CCDC171: variants seen among roughly 807,000 people sequenced by gnomAD.
CCDC171 encodes coiled-coil domain-containing protein 171.
A neutral mutation model predicts 168.2 loss-of-function variants in CCDC171; 177 were observed. The ratio of observed to expected loss-of-function variants is 1.05; its 90% confidence interval spans 0.93 to 1.19. The LOEUF (loss-of-function observed/expected upper bound fraction) is 1.19, where lower values mean the gene tolerates loss of function less well. Ranked by LOEUF, CCDC171 falls within the 50% of genes most tolerant of loss-of-function variation. The pLI is 0.00. For missense variants in CCDC171, 1,991 were observed against 1,539.0 expected (o/e 1.29, Z -4.91); for synonymous variants, 687 against 540.8 (o/e 1.27, Z -3.75).
intron 3 of CCDC171, among the ~76,000 whole-genome samples, chr9:16,002,562 A>T (rs545660273): frequency 6.6e-6 from 1 of 152,358 alleles, no homozygotes; most frequent in South Asian, 2.1e-4. Flanking sequence ...AAAAGTCTAT[A>T]AAGTAGAAAA....
chr9:15,690,126 G>A (rs1176801202), intron 10 of CCDC171, among the ~76,000 whole-genome samples: 1 of 152,152 alleles, frequency 6.6e-6, no homozygotes, highest in African/African-American at 2.4e-5. Context: ...GTGGGAGAAT[G>A]GGGAGTGAGA....
At chr9:15,780,714 A>G (rs1156574436) in intron 20 of CCDC171, among the ~76,000 whole-genome samples, 1 of 152,202 alleles carries the variant, frequency 6.6e-6, no homozygotes, top group Admixed American at 6.5e-5. Context: ...CCTGACTTAT[A>G]TAAATATATG....
intron 18 of CCDC171, among the ~76,000 whole-genome samples, chr9:15,748,552 A>T (rs2055469040): frequency 6.6e-6 from 1 of 152,194 alleles, no homozygotes; most frequent in Non-Finnish European, 1.5e-5. Context: ...TGAAGGAAAA[A>T]ATGTTAAGGA....
At chr9:15,951,622 A>G (rs1423972125) in intron 25 of CCDC171, among the ~76,000 whole-genome samples, 6 of 152,090 alleles carry the variant, frequency 3.9e-5, no homozygotes, top group African/African-American at 1.4e-4. Flanking sequence ...CCTAATGATT[A>G]GTGATGTTGA....
intron 21 of CCDC171, among the ~76,000 whole-genome samples, chr9:15,825,005 AAGG>A (rs2059953614): frequency 6.6e-6 from 1 of 152,064 alleles, no homozygotes; most frequent in African/African-American, 2.4e-5. Context: ...GAAGAGATGG[AAGG>A]AGTTTTTACT....
At chr9:15,849,403 C>A (rs1234268474) in intron 23 of CCDC171, among the ~76,000 whole-genome samples, 2 of 150,176 alleles carry the variant, frequency 1.3e-5, no homozygotes, top group South Asian at 4.2e-4. Flanking sequence ...TTGAAATTTT[C>A]TTTCTTGTAA....
Position 15,628,097 on chromosome 9 carries a change from C to T in CCDC171, c.822+4684C>T, listed in dbSNP as rs568086572. On this transcript the variant is annotated intron_variant, in intron 7 of 25. Coordinates refer to ENST00000380701, the MANE Select transcript of CCDC171 (RefSeq NM_173550.4). The stretch of plus-strand genomic sequence containing the variant: ...TGCTGTCTACAGCTCCCAGCGTGAG[C>T]GACGCAGAAGACGGGTGATTTCTGC... 9.2e-5 allele frequency among the ~76,000 whole-genome samples: 14 copies of T among 152,248 alleles called. 1 individual carries two copies. Among genetic ancestry groups the T allele is most frequent in the South Asian group, 2.1e-4 (1 of 4,814 alleles).
At chr9:16,082,675 A>C in the CCDC171 span, among the ~76,000 whole-genome samples, 12 of 152,364 alleles carry the variant, frequency 7.9e-5, no homozygotes, top group South Asian at 1.7e-3. Flanking sequence ...GTCTAAGTAC[A>C]CGCATGCGTG....
intron 24 of CCDC171, among the ~76,000 whole-genome samples, chr9:15,881,452 C>T (rs1332110058): frequency 6.6e-6 from 1 of 152,086 alleles, no homozygotes; most frequent in Non-Finnish European, 1.5e-5. Context: ...AGATCCATCA[C>T]CTTAAATATT....
At chr9:16,094,310 A>G in the CCDC171 span, among the ~76,000 whole-genome samples, 1 of 152,362 alleles carries the variant, frequency 6.6e-6, no homozygotes, top group African/African-American at 2.4e-5. Context: ...GGTCCAGTGA[A>G]GATGAATAAA....
intron 3 of CCDC171, among the ~76,000 whole-genome samples, chr9:16,007,223 A>G (rs1832730101): frequency 6.6e-6 from 1 of 152,186 alleles, no homozygotes; most frequent in Non-Finnish European, 1.5e-5. Flanking sequence ...GGCTGCATAA[A>G]TGTCTTCTTT....
At chr9:16,094,945 A>C in the CCDC171 span, among the ~76,000 whole-genome samples, 1 of 152,088 alleles carries the variant, frequency 6.6e-6, no homozygotes, top group Admixed American at 6.5e-5. Context: ...AGGGTGAGCA[A>C]GTTCTCATGA....
chr9:16,082,769 A>G, the CCDC171 span, among the ~76,000 whole-genome samples: 3 of 152,338 alleles, frequency 2.0e-5, no homozygotes, highest in African/African-American at 4.8e-5. Flanking sequence ...GAGACAAATC[A>G]TTCTTCTCAG....
intron 1 of CCDC171, among the ~76,000 whole-genome samples, chr9:15,561,516 T>G (rs2039299512): frequency 6.6e-6 from 1 of 152,186 alleles, no homozygotes; most frequent in Non-Finnish European, 1.5e-5. Context: ...ATAAATACTC[T>G]TTAAGGGCAC....
intron 7 of CCDC171, among the ~76,000 whole-genome samples, chr9:15,627,082 A>G (rs1001602050): frequency 5.3e-5 from 8 of 152,178 alleles, no homozygotes; most frequent in African/African-American, 1.9e-4. Flanking sequence ...CATTTCTTCT[A>G]GATTTTCTAG....
At chr9:16,037,980 T>G (rs1426529125), upstream of CCDC171, among the ~76,000 whole-genome samples, 2 of 152,168 alleles carry the variant, frequency 1.3e-5, no homozygotes, top group African/African-American at 2.4e-5. Context: ...AATAAGTAAG[T>G]GTGAATTCAA....
intron 9 of CCDC171, among the ~76,000 whole-genome samples, chr9:15,671,880 G>C (rs567208679): frequency 2.0e-5 from 3 of 152,294 alleles, no homozygotes; most frequent in African/African-American, 4.8e-5. Flanking sequence ...TAATGGGATC[G>C]CTGCGTCAAG....
intron 25 of CCDC171, among the ~76,000 whole-genome samples, chr9:15,960,930 G>A (rs149432407): frequency 2.6e-5 from 4 of 152,130 alleles, no homozygotes; most frequent in African/African-American, 9.6e-5. Context: ...AGCATTCCAC[G>A]AAGAATTGCT....
At position 15,784,498 on chromosome 9, in the gene CCDC171, C is replaced by G. The variant is rs2382540; in HGVS notation, c.3082-11C>G. On this transcript the variant is annotated splice_polypyrimidine_tract_variant and intron_variant, in intron 20 of 25. Transcript: ENST00000380701. ...TTTATAACTGATTCTCCCCTCTCCT[C>G]CTTTTTACAGAAATTGATCACCCAT... is the stretch of plus-strand genomic sequence containing the variant. 766,255 of 1,582,660 alleles carry G rather than the reference C, an allele frequency of 0.48. 188,369 individuals carry two copies. The highest frequency in any genetic ancestry group is 0.56 in the South Asian group (49,806 of 89,304).
Sources: allele counts gnomAD v4.1 joint callset (sites outside exome capture counted in the v4.1 genomes callset), GRCh38; gene constraint gnomAD v4.1.1; transcripts MANE v1.5; gene names NCBI Gene and HGNC (gene_info 2026-07-23, HGNC 2026-07-21).